Variants in PTGER4 observed in about 807,000 individuals in gnomAD.
PTGER4 encodes the protein prostaglandin E2 receptor EP4 subtype.
Under a neutral mutation model 33.2 loss-of-function variants are expected in PTGER4, and 11 were observed. That is an observed-to-expected ratio of 0.33 (90% CI 0.21 to 0.55). The LOEUF is 0.55. Ranked by LOEUF, PTGER4 falls within the 20% of genes least tolerant of loss-of-function variation. The pLI is 0.92. For missense variants in PTGER4, 481 were observed against 650.2 expected, an observed-to-expected ratio of 0.74 and a Z score of 2.83; for synonymous variants, 275 against 281.5, an observed-to-expected ratio of 0.98 and a Z score of 0.23.
the PTGER4 span, among the ~76,000 whole-genome samples, chr5:40,718,062 CAAAA>C: frequency 3.0e-5 from 4 of 132,934 alleles, no homozygotes; most frequent in African/African-American, 1.1e-4. Context: ...AACTCCGTCT[CAAAA>C]AAAAAAAAGA....
At chr5:40,723,025 C>G in the PTGER4 span, among the ~76,000 whole-genome samples, 47 of 152,260 alleles carry the variant, frequency 3.1e-4, no homozygotes, top group African/African-American at 1.1e-3. Context: ...AAGGAGAGAT[C>G]GGATTGTTAC....
At position 40,691,050 on chromosome 5, in the gene PTGER4, T is replaced by G. The variant is rs2111811250; in HGVS notation, c.868-729T>G. Among the ~76,000 whole-genome samples, 1 of 152,398 alleles carries G rather than the reference T, an allele frequency of 6.6e-6. No homozygotes were observed. Among genetic ancestry groups the G allele is most frequent in the South Asian group, 2.1e-4 (1 of 4,834 alleles). On this transcript the variant is annotated intron_variant, in intron 2 of 2. Coordinates refer to ENST00000302472, the MANE Select transcript of PTGER4 (RefSeq NM_000958.3). This position sits in a 1 kb window ranked among gnomAD's most constrained non-coding sequence, Gnocchi z 4.2. ...TTATTTTTTATTTTTAAACAGATTC[T>G]TGCTCTGTTGCCCTGGCTGGAGTGC... is the stretch of plus-strand genomic sequence containing the variant.
chr5:40,744,154 T>C, the PTGER4 span, among the ~76,000 whole-genome samples: 2 of 152,232 alleles, frequency 1.3e-5, no homozygotes, highest in African/African-American at 2.4e-5. Context: ...AGAATTTACA[T>C]TTGGTTTTCT....
the PTGER4 span, among the ~76,000 whole-genome samples, chr5:40,713,784 TATC>T: frequency 6.6e-6 from 1 of 152,158 alleles, no homozygotes; most frequent in Non-Finnish European, 1.5e-5. Flanking sequence ...TCTATATCAT[TATC>T]ATGAACATCA....
the PTGER4 span, among the ~76,000 whole-genome samples, chr5:40,730,574 C>A: frequency 2.6e-5 from 4 of 152,146 alleles, no homozygotes; most frequent in Admixed American, 2.6e-4. Flanking sequence ...AAACTCCATA[C>A]CCATTAAACA....
the PTGER4 span, among the ~76,000 whole-genome samples, chr5:40,724,355 C>T: frequency 2.6e-5 from 4 of 152,124 alleles, no homozygotes; most frequent in African/African-American, 9.7e-5. Flanking sequence ...AATTGTGAGG[C>T]AAGGCACAGT....
At chr5:40,719,128 T>G in the PTGER4 span, among the ~76,000 whole-genome samples, 1 of 152,150 alleles carries the variant, frequency 6.6e-6, no homozygotes, top group Non-Finnish European at 1.5e-5. Context: ...AATTCAATAT[T>G]CACAGTCACA....
At chr5:40,728,447 T>C in the PTGER4 span, 5 of 1,612,394 alleles carry the variant, frequency 3.1e-6, no homozygotes, top group Non-Finnish European at 3.4e-6. Context: ...CATGTACTGC[T>C]GGGAACATTT....
chr5:40,708,840 A>T, the PTGER4 span, among the ~76,000 whole-genome samples: 1 of 152,204 alleles, frequency 6.6e-6, no homozygotes. Context: ...CACCATGATC[A>T]AGTGGGCTTC....
intron 2 of PTGER4, among the ~76,000 whole-genome samples, chr5:40,688,344 G>A (rs1403563123): frequency 6.6e-6 from 1 of 152,182 alleles, no homozygotes; most frequent in Non-Finnish European, 1.5e-5. Context: ...CTGGAGGCTT[G>A]AAGGCTCAAG....
Position 40,681,040 on chromosome 5 carries a change from G to A in PTGER4, c.47G>A (p.Arg16Gln), listed in dbSNP as rs1741171760. The A allele has an allele frequency of 6.2e-7, 1 of 1,614,022 alleles. No homozygotes were observed. The part of the protein sequence containing the change: ...VNSSASLSPD[R>Q]LNSPVTIPAV... Reference sequence around the variant, plus strand: ...TCGTCCGCCTCCTTGAGCCCCGACCGGCTGAACAGCCCAGTGACCATCCCG... The same window carrying A: ...TCGTCCGCCTCCTTGAGCCCCGACCAGCTGAACAGCCCAGTGACCATCCCG... Residue 16 changes from arginine (R) to glutamine (Q), a missense_variant, in exon 2 of 3, where the codon CGG (arginine) becomes CAG (glutamine). By Grantham distance (43) the Arg-to-Gln change is conservative (BLOSUM62 1). Transcript: ENST00000302472. The surrounding 1 kb of genome is among the most constrained non-coding windows in gnomAD (Gnocchi z 9.8).
the PTGER4 span, among the ~76,000 whole-genome samples, chr5:40,704,081 A>T: frequency 2.6e-5 from 4 of 152,112 alleles, no homozygotes; most frequent in Non-Finnish European, 5.9e-5. Flanking sequence ...TAATGCAAAT[A>T]TTCTCAACAA....
rs1741481156 is a variant in PTGER4 at position 40,691,832 on chromosome 5, T to G, written c.921T>G (p.Ser307Arg). The stretch of plus-strand genomic sequence containing the variant: ...AGCCAAGTTTGGAGCGAGAAGTCAG[T>G]AAAAATCCAGATTTGCAGGCCATCC... ...LYQPSLEREV[S>R]KNPDLQAIRI... The change falls in exon 3 of 3, where the codon AGT (serine) becomes AGG (arginine). Residue 307 changes from serine to arginine, a missense_variant. Around this residue, in one of 7 missense-constraint regions of PTGER4, gnomAD observed 174 missense variants for 210.5 expected, o/e 0.83. Transcript: ENST00000302472. The surrounding 1 kb of genome is among the most constrained non-coding windows in gnomAD (Gnocchi z 4.2). The G allele has an allele frequency of 6.2e-7, 1 of 1,614,102 alleles. No individual in the cohort carries two copies. Among genetic ancestry groups the G allele is most frequent in the African/African-American group, 1.3e-5 (1 of 74,934 alleles).
the PTGER4 span, among the ~76,000 whole-genome samples, chr5:40,705,726 G>C: frequency 1.3e-5 from 2 of 152,154 alleles, no homozygotes; most frequent in Non-Finnish European, 2.9e-5. Context: ...TATAAAAAAA[G>C]CTCAATATCA....
At chr5:40,726,036 C>T in the PTGER4 span, among the ~76,000 whole-genome samples, 36,351 of 151,428 alleles carry the variant, frequency 0.24, 4,972 homozygotes, top group East Asian at 0.53. Flanking sequence ...CCGCCCGCCT[C>T]GGCCTCCCAA....
At chr5:40,682,074 C>T (rs1476497483) in intron 2 of PTGER4, among the ~76,000 whole-genome samples, 1 of 152,042 alleles carries the variant, frequency 6.6e-6, no homozygotes, top group Non-Finnish European at 1.5e-5. Context: ...CCCCTACATC[C>T]CCCAGTTTAT....
At chr5:40,723,945 A>G in the PTGER4 span, among the ~76,000 whole-genome samples, 1 of 152,208 alleles carries the variant, frequency 6.6e-6, no homozygotes, top group East Asian at 1.9e-4. Flanking sequence ...TTGTTAGTAA[A>G]AATGCAAAAT....
downstream of PTGER4, among the ~76,000 whole-genome samples, chr5:40,698,540 C>A (rs1215184891): frequency 2.0e-5 from 3 of 152,008 alleles, no homozygotes; most frequent in Non-Finnish European, 4.4e-5. Context: ...AAGTATGCTT[C>A]AAAAAATATA....
the PTGER4 span, among the ~76,000 whole-genome samples, chr5:40,723,948 T>C: frequency 6.6e-6 from 1 of 152,026 alleles, no homozygotes; most frequent in African/African-American, 2.4e-5. Context: ...TTAGTAAAAA[T>C]GCAAAATGGT....
Sources: gnomAD v4.1 joint callset for allele counts (sites outside exome capture counted in the v4.1 genomes callset) on GRCh38, gnomAD v4.1.1 for gene constraint, gnomAD v4.1.1 regional missense constraint, Gnocchi (gnomAD v3.1) non-coding constraint, MANE v1.5 for transcripts, NCBI Gene and HGNC (gene_info 2026-07-23, HGNC 2026-07-21) for gene names.